The following MPZL1 variants were observed in gnomAD, a reference collection of about 807,000 sequenced individuals.
MPZL1 encodes myelin protein zero like 1, also known as myelin protein zero-like protein 1.
MPZL1 carries 16 observed loss-of-function variants against 29.3 expected under a neutral mutation model. The ratio of observed to expected loss-of-function variants is 0.55; its 90% CI spans 0.37 to 0.83. The LOEUF (loss-of-function observed/expected upper bound fraction) is 0.83. Ranked by LOEUF, MPZL1 falls within the 40% of genes least tolerant of loss-of-function variation. The pLI is 0.00. For synonymous variants in MPZL1, 143 were observed against 132.0 expected, an observed-to-expected ratio of 1.08 and a Z score of -0.57; for missense variants, 279 against 332.9, an observed-to-expected ratio of 0.84 and a Z score of 1.26.
intron 1 of MPZL1, 106 bp from the exon 2 acceptor site, chr1:167,765,477 T>TGTATATATCTA: frequency 1.2e-6 from 1 of 857,540 alleles, no homozygotes. Flanking sequence ...AGTGAATTAC[T>TGTATATATCTA]GTATATATCT....
intron 5 of MPZL1, among the ~76,000 whole-genome samples, chr1:167,787,510 G>C (rs970561491): frequency 2.6e-5 from 4 of 152,124 alleles, no homozygotes; most frequent in Non-Finnish European, 5.9e-5. Flanking sequence ...TTCTGTGATA[G>C]CTATTAAGAT....
At position 167,791,372 on chromosome 1, in the gene MPZL1, GAAACA is replaced by G. The variant is rs1661712133; in HGVS notation, c.*3458_*3462del. ...TGCCAAGCACTGTGCTAAGCATAAG[GAAACA>G]AAACAAGACAAAGCTCCTCAAGGAG... is the stretch of plus-strand genomic sequence containing the variant. On this transcript the variant is annotated 3_prime_UTR_variant, in exon 6 of 6. Coordinates refer to ENST00000359523, the MANE Select transcript of MPZL1 (RefSeq NM_003953.6). 1 of 152,220 alleles carries G rather than the reference GAAACA, an allele frequency of 6.6e-6. No individual in the cohort carries two copies. The highest frequency in any genetic ancestry group is 1.5e-5 in the Non-Finnish European group (1 of 68,058). The allele number at this position is 152,220 out of a possible 1,614,324, so 9.4% of individuals were successfully genotyped here.
Position 167,787,847 on chromosome 1 carries a change from C to T in MPZL1, c.736C>T (p.His246Tyr). Reference protein sequence around the residue: ...QGPVIYAQLDHSGGHHSDKIN... With the variant: ...QGPVIYAQLDYSGGHHSDKIN... ...CCCAGTCATATATGCACAGTTAGAC[C>T]ACTCCGGCGGACATCACAGTGACAA... The change falls in exon 6 of 6, where the codon CAC (histidine) becomes TAC (tyrosine). Residue 246 changes from histidine (H) to tyrosine (Y), a missense_variant. Transcript: ENST00000359523. The T allele has an allele frequency of 6.2e-7, 1 of 1,613,842 alleles. No individual in the cohort carries two copies. Among genetic ancestry groups the T allele is most frequent in the East Asian group, 2.2e-5 (1 of 44,890 alleles).
chr1:167,739,286 T>TATATATATATATACAC (rs1558110583), intron 1 of MPZL1, among the ~76,000 whole-genome samples: 1 of 108,326 alleles, frequency 9.2e-6, no homozygotes, highest in African/African-American at 5.5e-5. Context: ...TATATACATA[T>TATATATATATATACAC]ATATATATAT....
intron 1 of MPZL1, among the ~76,000 whole-genome samples, chr1:167,751,670 C>CAAAAA (rs397970508): frequency 2.8e-5 from 2 of 72,152 alleles, no homozygotes. Context: ...GACTCCATCT[C>CAAAAA]AAAAAAAAAA....
intron 1 of MPZL1, among the ~76,000 whole-genome samples, chr1:167,724,648 TAGG>T (rs1660104784): frequency 6.6e-6 from 1 of 152,084 alleles, no homozygotes; most frequent in African/African-American, 2.4e-5. Context: ...GATGGGGAAA[TAGG>T]AGTCTTGGGG....
At chr1:167,732,825 C>T (rs57615356) in intron 1 of MPZL1, among the ~76,000 whole-genome samples, 4,430 of 152,274 alleles carry the variant, frequency 0.029, 233 homozygotes, top group African/African-American at 0.1. Context: ...CCAGGCTGGT[C>T]TCGAGCTCCT....
chr1:167,766,622 C>T (rs557420050), intron 2 of MPZL1, among the ~76,000 whole-genome samples: 1 of 152,334 alleles, frequency 6.6e-6, no homozygotes, highest in African/African-American at 2.4e-5. Context: ...AGTCTGTCAT[C>T]TATCTTTAAG....
chr1:167,772,116 G>A lies in MPZL1; in HGVS notation c.259-159G>A, dbSNP rs576563216. Among the ~76,000 whole-genome samples, 13 of 152,194 alleles carry A rather than the reference G, an allele frequency of 8.5e-5. 1 individual carries two copies. The South Asian group carries it at 2.7e-3, about 32-fold the overall frequency. The stretch of plus-strand genomic sequence containing the variant: ...CCAGCCTCAGCAACAGAGGGAGACC[G>A]AAAAAAGGAGGAGAGAGAGGGGGAG... On this transcript the variant is annotated intron_variant, in intron 2 of 5. Transcript: ENST00000359523.
intron 2 of MPZL1, among the ~76,000 whole-genome samples, chr1:167,770,113 C>T (rs74994641): frequency 2.1e-3 from 325 of 152,188 alleles, no homozygotes; most frequent in Middle Eastern, 6.8e-3. Flanking sequence ...GCTTAGGGGA[C>T]GCTATTGATG....
intron 1 of MPZL1, among the ~76,000 whole-genome samples, chr1:167,745,841 A>T (rs574243009): frequency 6.6e-6 from 1 of 152,212 alleles, no homozygotes; most frequent in South Asian, 2.1e-4. Flanking sequence ...GATAGTTGGA[A>T]GACAACATGC....
intron 1 of MPZL1, among the ~76,000 whole-genome samples, chr1:167,754,867 T>G (rs535784874): frequency 2.0e-5 from 3 of 152,306 alleles, no homozygotes; most frequent in East Asian, 1.9e-4. Context: ...AGTATTCTTT[T>G]AAGAGTTAGA....
intron 1 of MPZL1, among the ~76,000 whole-genome samples, chr1:167,741,051 C>G (rs1037566703): frequency 2.0e-5 from 3 of 152,208 alleles, no homozygotes; most frequent in Admixed American, 2.0e-4. Flanking sequence ...CAGTCTTGCT[C>G]TGTCACCCAG....
intron 1 of MPZL1, among the ~76,000 whole-genome samples, chr1:167,762,000 T>G (rs889984295): frequency 6.6e-6 from 1 of 152,124 alleles, no homozygotes; most frequent in Non-Finnish European, 1.5e-5. Context: ...TTTTGGAGGA[T>G]ATTGGAAAGC....
chr1:167,774,517 C>G (rs908061289), intron 4 of MPZL1: 1 of 152,278 alleles, frequency 6.6e-6, no homozygotes, highest in Non-Finnish European at 1.5e-5. Flanking sequence ...ACTGTATCTG[C>G]CCCCCTTGCA....
chr1:167,739,823 C>A (rs184960984), intron 1 of MPZL1, among the ~76,000 whole-genome samples: 21 of 152,302 alleles, frequency 1.4e-4, no homozygotes, highest in Non-Finnish European at 2.1e-4. Context: ...CTGCTCAGAA[C>A]CTCCTTACCA....
At position 167,787,879 on chromosome 1, in the gene MPZL1, C is replaced by G; in HGVS notation, c.768C>G (p.Asn256Lys). 1 of 1,613,728 alleles carries G rather than the reference C, an allele frequency of 6.2e-7. No homozygotes were observed. Among genetic ancestry groups the G allele is most frequent in the East Asian group, 2.2e-5 (1 of 44,878 alleles). Reference sequence around the variant, plus strand: ...GCGGACATCACAGTGACAAGATTAACAAGTCAGAGTCTGTGGTGTATGCGG... The same window carrying G: ...GCGGACATCACAGTGACAAGATTAAGAAGTCAGAGTCTGTGGTGTATGCGG... ...HSGGHHSDKI[N>K]KSESVVYADI... The change falls in exon 6 of 6, where the codon AAC becomes AAG. Residue 256 changes from asparagine to lysine, a missense_variant. Coordinates refer to ENST00000359523, the MANE Select transcript of MPZL1 (RefSeq NM_003953.6).
chr1:167,744,768 T>C lies in MPZL1; in HGVS notation c.92-20815T>C, dbSNP rs553572470. Reference sequence around the variant, plus strand: ...CACATATAGACCTTAATAAAAGTTATAGACTCCAACAACTAGTAAATATTT... The same window carrying C: ...CACATATAGACCTTAATAAAAGTTACAGACTCCAACAACTAGTAAATATTT... On this transcript the variant is annotated intron_variant, in intron 1 of 5. Coordinates refer to ENST00000359523, the MANE Select transcript of MPZL1 (RefSeq NM_003953.6). Among the ~76,000 whole-genome samples, 50 of 152,076 alleles carry C rather than the reference T, an allele frequency of 3.3e-4. 1 individual carries two copies. The South Asian group carries it at 9.1e-3, about 28-fold the overall frequency.
chr1:167,751,902 C>G (rs1297655912), intron 1 of MPZL1, among the ~76,000 whole-genome samples: 2 of 152,106 alleles, frequency 1.3e-5, no homozygotes, highest in East Asian at 1.9e-4. Flanking sequence ...AAAAATTATT[C>G]CAATAAATTT....
Sources: allele counts gnomAD v4.1 joint callset (sites outside exome capture counted in the v4.1 genomes callset), GRCh38; gene constraint gnomAD v4.1.1; transcripts MANE v1.5; gene names NCBI Gene and HGNC (gene_info 2026-07-23, HGNC 2026-07-21).